Variants in PTPN13 observed in about 807,000 individuals in gnomAD.
PTPN13 encodes protein tyrosine phosphatase non-receptor type 13.
PTPN13 carries 191 observed loss-of-function variants against 284.0 expected under a neutral mutation model. The observed-to-expected ratio is 0.67, with a 90% CI of 0.60 to 0.76. The LOEUF (loss-of-function observed/expected upper bound fraction) is 0.76, where lower values mean the gene tolerates loss of function less well. PTPN13 is among the 30% of genes least tolerant of loss of function. The probability of loss-of-function intolerance (pLI) is 0.00; values close to 1 mark genes in which losing one functional copy is unlikely to be tolerated. For synonymous variants in PTPN13, 986 were observed against 1,022.3 expected, an observed-to-expected ratio of 0.96 and a Z score of 0.68; for missense variants, 2,797 against 2,939.9, an observed-to-expected ratio of 0.95 and a Z score of 1.12.
At chr4:86,680,395 A>ATC (rs750901139) in intron 3 of PTPN13, among the ~76,000 whole-genome samples, 22 of 135,310 alleles carry the variant, frequency 1.6e-4, no homozygotes, top group African/African-American at 2.7e-4. Flanking sequence ...CTATCTATCT[A>ATC]TCTATCTCTA....
At chr4:86,635,224 T>C (rs558291678) in intron 1 of PTPN13, 28 bp from the exon 2 acceptor site, 15 of 1,565,538 alleles carry the variant, frequency 9.6e-6, no homozygotes, top group East Asian at 2.4e-5. Flanking sequence ...TGCTGATGCA[T>C]AGACCATCTG....
At chr4:86,710,258 T>A (rs191658435) in intron 7 of PTPN13, among the ~76,000 whole-genome samples, 1 of 152,360 alleles carries the variant, frequency 6.6e-6, no homozygotes, top group Admixed American at 6.5e-5. Context: ...AGCAGTCATT[T>A]TATTTCTCTT....
intron 1 of PTPN13, among the ~76,000 whole-genome samples, 157 bp from the exon 2 acceptor site, chr4:86,635,095 C>A (rs962700605): frequency 6.6e-6 from 1 of 152,128 alleles, no homozygotes; most frequent in African/African-American, 2.4e-5. Flanking sequence ...ATTCCTTTAC[C>A]TTCTGTGAGT....
intron 28 of PTPN13, 61 bp from the exon 29 acceptor site, chr4:86,769,708 G>T: frequency 9.1e-7 from 1 of 1,100,288 alleles, no homozygotes; most frequent in Non-Finnish European, 1.3e-6. Context: ...ATGTTTGTAT[G>T]TTCCTATGTA....
chr4:86,778,946 T>C (rs1035294497), intron 35 of PTPN13, among the ~76,000 whole-genome samples: 6 of 150,946 alleles, frequency 4.0e-5, no homozygotes, highest in African/African-American at 9.8e-5. Context: ...AAAAAAGATA[T>C]CAACTGCCAG....
intron 5 of PTPN13, chr4:86,689,583 C>T: frequency 1.4e-6 from 1 of 694,944 alleles, no homozygotes; most frequent in Admixed American, 2.0e-5. Flanking sequence ...TTGCTTTATA[C>T]CTGTTTCGTG....
chr4:86,692,303 T>C (rs1388418436), intron 5 of PTPN13, among the ~76,000 whole-genome samples: 1 of 152,220 alleles, frequency 6.6e-6, no homozygotes, highest in Non-Finnish European at 1.5e-5. Flanking sequence ...ACTAACATCA[T>C]TTATGCAACT....
chr4:86,756,885 C>T (rs1738036124), intron 20 of PTPN13, among the ~76,000 whole-genome samples: 1 of 152,148 alleles, frequency 6.6e-6, no homozygotes, highest in Non-Finnish European at 1.5e-5. Flanking sequence ...GAAATTCTGG[C>T]TTACAGTTTA....
At chr4:86,605,326 A>T (rs1363682423) in intron 1 of PTPN13, among the ~76,000 whole-genome samples, 1 of 151,872 alleles carries the variant, frequency 6.6e-6, no homozygotes, top group Non-Finnish European at 1.5e-5. Context: ...GAAATGGGGG[A>T]TGATATTTGG....
At position 86,764,594 on chromosome 4, in the gene PTPN13, A is replaced by G. The variant is rs755413033; in HGVS notation, c.4019A>G (p.Glu1340Gly). The change falls in exon 25 of 48, where the codon GAA (glutamate) becomes GGA (glycine). Residue 1340 changes from glutamate to glycine, a missense_variant and splice_region_variant. Physicochemically the swap from Glu to Gly is moderately conservative, Grantham distance 98 (BLOSUM62 -2). Coordinates refer to ENST00000411767, the MANE Select transcript of PTPN13 (RefSeq NM_080683.3). ...CTTTGTTTGTTTTTCTTTGTTAAGG[A>G]ATCTTCCTCTTCAGTGAATACATCC... ...SSQDHQTPKQ[E>G]SSSSVNTSNK... 3 of 1,478,906 alleles carry G rather than the reference A, an allele frequency of 2.0e-6. No homozygotes were observed. In the East Asian group the frequency reaches 7.7e-5, roughly 38 times the overall value. 91.6% of individuals were successfully genotyped at this position (1,478,906 alleles called of 1,614,324 possible). A position where few individuals can be genotyped will look rare whatever the true frequency, so the allele number is the denominator to read the frequency against.
chr4:86,783,714 G>A (rs1478707969), intron 37 of PTPN13, among the ~76,000 whole-genome samples: 1 of 151,944 alleles, frequency 6.6e-6, no homozygotes, highest in Non-Finnish European at 1.5e-5. Flanking sequence ...TAGAATGAGT[G>A]AAACCTTGAG....
intron 19 of PTPN13, 116 bp from the exon 20 acceptor site, chr4:86,752,893 C>A: frequency 4.9e-6 from 3 of 609,562 alleles, no homozygotes; most frequent in South Asian, 3.5e-5. Context: ...AGTGTAAATA[C>A]AAAATGTTGC....
In PTPN13 at chr4:86,753,081, G is replaced by A. The variant is rs72872260; in HGVS notation, c.3223+16G>A. On this transcript the variant is annotated intron_variant, in intron 20 of 47. Coordinates refer to ENST00000411767, the MANE Select transcript of PTPN13 (RefSeq NM_080683.3). ...AAAGAAAATGGTAGGTTTACAAAAT[G>A]TTTTTCCCCTCATTTCCATCATTTC... The A allele has an allele frequency of 1.3e-6, 2 of 1,588,232 alleles. No homozygotes were observed. Among genetic ancestry groups the A allele is most frequent in the Non-Finnish European group, 8.6e-7 (1 of 1,158,872 alleles).
At chr4:86,670,151 A>T in intron 2 of PTPN13, among the ~76,000 whole-genome samples, 2 of 140,846 alleles carry the variant, frequency 1.4e-5, no homozygotes, top group East Asian at 2.0e-4. Context: ...CTTGGTCTTC[A>T]TTTCTTTTCT....
chr4:86,673,399 G>A (rs1382018896), intron 3 of PTPN13, among the ~76,000 whole-genome samples: 1 of 152,166 alleles, frequency 6.6e-6, no homozygotes, highest in African/African-American at 2.4e-5. Flanking sequence ...TCTACTCAGA[G>A]TAATTGGTAT....
At chr4:86,785,800 C>A in intron 39 of PTPN13, 48 bp from the exon 40 acceptor site, 2 of 1,225,682 alleles carry the variant, frequency 1.6e-6, no homozygotes, top group Non-Finnish European at 2.3e-6. Context: ...TTTTCTACTT[C>A]CTCAATAGTT....
At chr4:86,687,897 C>G (rs1050942454) in intron 4 of PTPN13, among the ~76,000 whole-genome samples, 2 of 152,080 alleles carry the variant, frequency 1.3e-5, no homozygotes, top group African/African-American at 2.4e-5. Flanking sequence ...GATCAGAAAT[C>G]AGGATATTTT....
intron 1 of PTPN13, among the ~76,000 whole-genome samples, chr4:86,611,442 G>A (rs1196141027): frequency 2.6e-5 from 4 of 152,170 alleles, no homozygotes; most frequent in African/African-American, 9.7e-5. Context: ...ATTTACAGTG[G>A]TTCAGTACAG....
chr4:86,708,807 G>A (rs577982812), intron 7 of PTPN13, among the ~76,000 whole-genome samples: 6 of 152,094 alleles, frequency 3.9e-5, no homozygotes, highest in African/African-American at 1.4e-4. Flanking sequence ...TCCATCACCT[G>A]AACAGGATAA....
Sources: gnomAD v4.1 joint callset for allele counts (sites outside exome capture counted in the v4.1 genomes callset) on GRCh38, gnomAD v4.1.1 for gene constraint, MANE v1.5 for transcripts, NCBI Gene and HGNC (gene_info 2026-07-23, HGNC 2026-07-21) for gene names.